Variants in REEP5 observed in about 807,000 individuals in gnomAD.
REEP5 encodes the protein receptor accessory protein 5.
Under a neutral mutation model 22.4 loss-of-function variants are expected in REEP5, and 24 were observed. The observed-to-expected ratio is 1.07, with a 90% CI of 0.78 to 1.51. REEP5 has a LOEUF of 1.51. Among genes scored for constraint, REEP5 ranks in the 40% most tolerant of loss-of-function variants. The pLI, the probability that REEP5 is intolerant of heterozygous loss-of-function variation, is 0.00. For synonymous variants in REEP5, 103 were observed against 88.6 expected (o/e 1.16, Z -0.92); for missense variants, 252 against 233.0 (o/e 1.08, Z -0.53).
intron 2 of REEP5, among the ~76,000 whole-genome samples, chr5:112,920,915 CAA>C (rs1360009063): frequency 6.6e-6 from 1 of 152,126 alleles, no homozygotes; most frequent in Non-Finnish European, 1.5e-5. Flanking sequence ...GTTAGTGTGC[CAA>C]AGAGAGGGGA....
intron 2 of REEP5, among the ~76,000 whole-genome samples, chr5:112,912,688 C>T (rs1054658186): frequency 6.6e-6 from 1 of 152,120 alleles, no homozygotes; most frequent in African/African-American, 2.4e-5. Flanking sequence ...ATGGCAGACA[C>T]ATAACTTGAC....
intron 3 of REEP5, chr5:112,895,826 C>G (rs1396463015): frequency 6.6e-6 from 1 of 152,222 alleles, no homozygotes; most frequent in Admixed American, 6.5e-5. Context: ...TCTTTTCAAT[C>G]AAGCTGCCCT....
At chr5:112,901,712 A>G (rs1365440650) in intron 3 of REEP5, among the ~76,000 whole-genome samples, 3 of 151,038 alleles carry the variant, frequency 2.0e-5, no homozygotes, top group African/African-American at 7.3e-5. Flanking sequence ...AGTCCATCTC[A>G]GAAAAAAAAA....
chr5:112,918,840 C>T (rs577019023), intron 2 of REEP5, among the ~76,000 whole-genome samples: 15 of 152,334 alleles, frequency 9.8e-5, no homozygotes, highest in African/African-American at 3.6e-4. Flanking sequence ...TCTTCTCCCT[C>T]TCCCTGGCTC....
intron 2 of REEP5, among the ~76,000 whole-genome samples, 162 bp from the exon 3 acceptor site, chr5:112,902,680 T>C (rs1257904777): frequency 6.6e-6 from 1 of 152,030 alleles, no homozygotes; most frequent in Non-Finnish European, 1.5e-5. Flanking sequence ...CTGGAAGCAA[T>C]GTGGATATCG....
chr5:112,911,896 A>C (rs1364431593), intron 2 of REEP5, among the ~76,000 whole-genome samples: 1 of 152,208 alleles, frequency 6.6e-6, no homozygotes, highest in Non-Finnish European at 1.5e-5. Context: ...AAAAATAATA[A>C]GACAAGGAAC....
At chr5:112,895,570 T>C (rs970942793) in intron 3 of REEP5, 1 of 152,228 alleles carries the variant, frequency 6.6e-6, no homozygotes, top group African/African-American at 2.4e-5. Flanking sequence ...AATTGACTAC[T>C]TTCTGGTACC....
chr5:112,911,143 C>T (rs1421643935), intron 2 of REEP5, among the ~76,000 whole-genome samples: 9 of 152,282 alleles, frequency 5.9e-5, no homozygotes, highest in East Asian at 1.9e-4. Flanking sequence ...AAAGCCTTAG[C>T]GCTATATGGC....
At chr5:112,891,772 G>C (rs775939704) in intron 3 of REEP5, 217 of 1,613,710 alleles carry the variant, frequency 1.3e-4, no homozygotes, top group Admixed American at 9.5e-4. Context: ...TCGACTGAGA[G>C]ACTCAGGACT....
intron 3 of REEP5, chr5:112,892,310 A>G (rs1305675635): frequency 1.2e-5 from 20 of 1,614,032 alleles, no homozygotes; most frequent in Non-Finnish European, 1.7e-5. Flanking sequence ...AGGGATGACT[A>G]TGACCCTGAC....
chr5:112,908,532 AT>A lies in REEP5; in HGVS notation c.213-6015del, dbSNP rs779903886. On this transcript the variant is annotated intron_variant, in intron 2 of 4. Coordinates refer to ENST00000379638, the MANE Select transcript of REEP5 (RefSeq NM_005669.5). ...TTTCTCTTTGAGAAAACAGCTAATA[AT>A]TTTTTTTTTTAAGACAGAGTCACAT... Among the ~76,000 whole-genome samples, 50 of 146,310 alleles carry A rather than the reference AT, an allele frequency of 3.4e-4. 1 individual carries two copies. The highest frequency in any genetic ancestry group is 5.2e-4 in the African/African-American group (21 of 40,052).
At chr5:112,888,364 T>C (rs767591493) in intron 3 of REEP5, among the ~76,000 whole-genome samples, 1 of 152,252 alleles carries the variant, frequency 6.6e-6, no homozygotes, top group Admixed American at 6.5e-5. Context: ...GAGAAATTTA[T>C]ACTAGACTTT....
intron 3 of REEP5, chr5:112,891,781 C>A (rs1474543423): frequency 1.2e-6 from 2 of 1,612,786 alleles, no homozygotes. Flanking sequence ...AGACTCAGGA[C>A]TCTCACAGGA....
chr5:112,907,650 C>T (rs911543302), intron 2 of REEP5, among the ~76,000 whole-genome samples: 9 of 152,118 alleles, frequency 5.9e-5, no homozygotes, highest in African/African-American at 2.2e-4. Context: ...TGAACTAGTT[C>T]AAATTCTACA....
At chr5:112,911,544 T>C (rs1296021752) in intron 2 of REEP5, among the ~76,000 whole-genome samples, 1 of 152,228 alleles carries the variant, frequency 6.6e-6, no homozygotes, top group East Asian at 1.9e-4. Flanking sequence ...AATAAATCCA[T>C]CTGGAAAAAC....
intron 3 of REEP5, among the ~76,000 whole-genome samples, chr5:112,902,126 T>C (rs187523395): frequency 4.0e-5 from 6 of 151,608 alleles, no homozygotes; most frequent in South Asian, 2.1e-4. Context: ...TTAGATAAAA[T>C]TGTTTAAAAG....
chr5:112,919,551 G>A (rs1204732036), intron 2 of REEP5, among the ~76,000 whole-genome samples: 1 of 152,142 alleles, frequency 6.6e-6, no homozygotes, highest in Non-Finnish European at 1.5e-5. Flanking sequence ...GGGCAATATA[G>A]AGCGAGACTC....
At chr5:112,905,535 G>A (rs1267049621) in intron 2 of REEP5, among the ~76,000 whole-genome samples, 2 of 148,062 alleles carry the variant, frequency 1.4e-5, no homozygotes, top group Middle Eastern at 7.0e-3. Flanking sequence ...AGCAAGACTC[G>A]GTCTCAAAAA....
chr5:112,903,567 A>G (rs1768892541), intron 2 of REEP5, among the ~76,000 whole-genome samples: 1 of 152,228 alleles, frequency 6.6e-6, no homozygotes, highest in South Asian at 2.1e-4. Context: ...CCTGTTACCC[A>G]AAAACCTATT....
Sources: allele counts gnomAD v4.1 joint callset (sites outside exome capture counted in the v4.1 genomes callset), GRCh38; gene constraint gnomAD v4.1.1; transcripts MANE v1.5; gene names NCBI Gene and HGNC (gene_info 2026-07-23, HGNC 2026-07-21).